SMIM31: variants seen among roughly 807,000 people sequenced by gnomAD.
The protein encoded by SMIM31 is human epithelial cell program regulator.
At chr4:164,799,671 A>G (rs990045176) in intron 2 of SMIM31, among the ~76,000 whole-genome samples, 2 of 152,154 alleles carry the variant, frequency 1.3e-5, no homozygotes, top group African/African-American at 4.8e-5. Context: ...ACCCAGAAAC[A>G]CCCTGACAGA....
intron 2 of SMIM31, among the ~76,000 whole-genome samples, chr4:164,781,129 TACACACACACACACAC>T (rs138037586): frequency 3.2e-4 from 46 of 144,450 alleles, no homozygotes; most frequent in African/African-American, 9.6e-4. Flanking sequence ...TACATTTACA[TACACACACACACACAC>T]ACACACACAC....
intron 2 of SMIM31, among the ~76,000 whole-genome samples, chr4:164,778,423 C>T (rs1224922312): frequency 6.6e-6 from 1 of 152,008 alleles, no homozygotes; most frequent in Non-Finnish European, 1.5e-5. Flanking sequence ...TAATAATATA[C>T]AAAATGATTT....
chr4:164,757,922 A>C (rs751491958), intron 1 of SMIM31, among the ~76,000 whole-genome samples: 26 of 152,022 alleles, frequency 1.7e-4, no homozygotes, highest in Non-Finnish European at 3.5e-4. Flanking sequence ...GTTTAGGATC[A>C]GCTTATCAAT....
chr4:164,800,525 T>C (rs1347493661), intron 2 of SMIM31, among the ~76,000 whole-genome samples: 1 of 152,142 alleles, frequency 6.6e-6, no homozygotes, highest in African/African-American at 2.4e-5. Flanking sequence ...CATATTTATT[T>C]CAGGAAATAT....
intron 1 of SMIM31, among the ~76,000 whole-genome samples, chr4:164,761,367 T>C (rs1244213776): frequency 6.6e-6 from 1 of 152,202 alleles, no homozygotes; most frequent in Non-Finnish European, 1.5e-5. Context: ...TTCATCCTTA[T>C]CTTAAAAAAA....
chr4:164,764,246 C>CAGACCATTGGG (rs1176027685), intron 1 of SMIM31, among the ~76,000 whole-genome samples: 4 of 152,020 alleles, frequency 2.6e-5, no homozygotes, highest in African/African-American at 9.7e-5. Context: ...GACCGGCAAC[C>CAGACCATTGGG]AGACCATTGG....
chr4:164,797,465 C>CTTT (rs70952643), intron 2 of SMIM31, among the ~76,000 whole-genome samples: 4,920 of 131,288 alleles, frequency 0.037, 269 homozygotes, highest in African/African-American at 0.098. Flanking sequence ...GATTTCTTTT[C>CTTT]TTTTTTTTTT....
intron 2 of SMIM31, among the ~76,000 whole-genome samples, chr4:164,772,727 C>G (rs992679767): frequency 3.0e-4 from 46 of 151,454 alleles, no homozygotes; most frequent in African/African-American, 6.5e-4. Flanking sequence ...TACAGGCGCC[C>G]GCCACCACGC....
chr4:164,787,943 C>A (rs1733048113), intron 2 of SMIM31, among the ~76,000 whole-genome samples: 1 of 152,106 alleles, frequency 6.6e-6, no homozygotes, highest in South Asian at 2.1e-4. Context: ...CACATATTAT[C>A]GTCAATTTTT....
At chr4:164,761,922 CAAATAAAT>C (rs200368340) in intron 1 of SMIM31, among the ~76,000 whole-genome samples, 5,694 of 146,646 alleles carry the variant, frequency 0.039, 183 homozygotes, top group East Asian at 0.14. Flanking sequence ...GACTCCACCT[CAAATAAAT>C]AAATAAATAA....
intron 1 of SMIM31, among the ~76,000 whole-genome samples, chr4:164,767,036 A>G (rs988967551): frequency 6.6e-6 from 1 of 152,116 alleles, no homozygotes; most frequent in African/African-American, 2.4e-5. Flanking sequence ...GGAGCATGCA[A>G]ACTGTCACAC....
intron 2 of SMIM31, among the ~76,000 whole-genome samples, chr4:164,787,643 C>T (rs1465430222): frequency 2.0e-5 from 3 of 151,554 alleles, no homozygotes; most frequent in Non-Finnish European, 2.9e-5. Context: ...ATGTCATGAA[C>T]TAGAACTCAC....
At chr4:164,775,087 G>T (rs1380195685) in intron 2 of SMIM31, among the ~76,000 whole-genome samples, 1 of 152,184 alleles carries the variant, frequency 6.6e-6, no homozygotes, top group Admixed American at 6.5e-5. Flanking sequence ...TGAGCTCTGT[G>T]CTTCTGGAAA....
In SMIM31 at chr4:164,802,926, T is replaced by C. The variant is rs1242241350; in HGVS notation, c.*1732T>C. The C allele has an allele frequency of 6.6e-6, 1 of 152,230 alleles. No individual in the cohort carries two copies. The highest frequency in any genetic ancestry group is 1.5e-5 in the Non-Finnish European group (1 of 68,056). 9.4% of individuals were successfully genotyped at this position (152,230 alleles called of 1,614,324 possible). On this transcript the variant is annotated 3_prime_UTR_variant, in exon 3 of 3. Coordinates refer to ENST00000507311, the MANE Select transcript of SMIM31 (RefSeq NM_001352885.1). ...ATCTGGGTTTGAGTCTGCTCCAACC[T>C]TTCCTTATTATATGACCTTGGGCAA...
chr4:164,789,317 T>C (rs1013780297), intron 2 of SMIM31, among the ~76,000 whole-genome samples: 2 of 152,196 alleles, frequency 1.3e-5, no homozygotes, highest in African/African-American at 4.8e-5. Flanking sequence ...ATGAACTCAC[T>C]CAGGCAAAGA....
intron 1 of SMIM31, among the ~76,000 whole-genome samples, chr4:164,763,985 T>A (rs1732685154): frequency 6.6e-6 from 1 of 152,220 alleles, no homozygotes; most frequent in Non-Finnish European, 1.5e-5. Context: ...TATCTATCTT[T>A]AGTTTCCAAA....
intron 2 of SMIM31, among the ~76,000 whole-genome samples, chr4:164,774,209 T>C (rs1300435416): frequency 6.6e-6 from 1 of 151,822 alleles, no homozygotes; most frequent in Non-Finnish European, 1.5e-5. Flanking sequence ...GAAAAATATT[T>C]ATTACAAAAC....
chr4:164,795,669 T>C (rs1240306557), intron 2 of SMIM31, among the ~76,000 whole-genome samples: 1 of 151,858 alleles, frequency 6.6e-6, no homozygotes, highest in African/African-American at 2.4e-5. Flanking sequence ...ACAGAGTTGT[T>C]GGGAAGAGCA....
At chr4:164,786,498 TAA>T in intron 2 of SMIM31, among the ~76,000 whole-genome samples, 1 of 151,914 alleles carries the variant, frequency 6.6e-6, no homozygotes, top group African/African-American at 2.4e-5. Context: ...ATAACAAAAA[TAA>T]AAAAAAGAGA....
Sources: allele counts gnomAD v4.1 joint callset (sites outside exome capture counted in the v4.1 genomes callset), GRCh38; gene constraint gnomAD v4.1.1; transcripts MANE v1.5; gene names NCBI Gene and HGNC (gene_info 2026-07-23, HGNC 2026-07-21).